Variants in PLCL1 observed in about 807,000 individuals in gnomAD.
PLCL1 encodes inactive phospholipase C-like protein 1.
PLCL1 carries 41 observed loss-of-function variants against 84.4 expected under a neutral mutation model. The ratio of observed to expected loss-of-function variants is 0.49; its 90% confidence interval spans 0.38 to 0.63. PLCL1 has a LOEUF of 0.63. Among genes scored for constraint, PLCL1 ranks in the 30% least tolerant of loss-of-function variants. The pLI, the probability that PLCL1 is intolerant of heterozygous loss-of-function variation, is 0.00. For missense variants in PLCL1, 1,206 were observed against 1,367.8 expected (o/e 0.88, Z 1.87); for synonymous variants, 490 against 488.3 (o/e 1.00, Z -0.05).
intron 1 of PLCL1, among the ~76,000 whole-genome samples, chr2:197,945,094 T>TA (rs1553504563): frequency 6.6e-6 from 1 of 152,244 alleles, no homozygotes. Context: ...TCTAAATGTT[T>TA]AAAATCTAAT....
intron 5 of PLCL1, among the ~76,000 whole-genome samples, chr2:198,132,690 A>T (rs183435100): frequency 3.3e-5 from 5 of 152,168 alleles, no homozygotes; most frequent in Admixed American, 3.3e-4. Context: ...ATACTTACAA[A>T]GTTGATTTAA....
chr2:198,018,853 G>C (rs755061667), intron 1 of PLCL1, among the ~76,000 whole-genome samples: 29 of 152,188 alleles, frequency 1.9e-4, no homozygotes, highest in African/African-American at 6.3e-4. Flanking sequence ...GAGAGCAACG[G>C]ATCTCCCAGC....
At position 198,051,425 on chromosome 2, in the gene PLCL1, G is replaced by A. The variant is rs148206599; in HGVS notation, c.241-32333G>A. ...GATAAACATGAGTCTATGATTTATAGATGTCACTACTTTTTTATAGTATTA... is the reference window on the plus strand; with the variant it reads ...GATAAACATGAGTCTATGATTTATAAATGTCACTACTTTTTTATAGTATTA... On this transcript the variant is annotated intron_variant, in intron 1 of 5. Transcript: ENST00000428675. 3.0e-3 allele frequency among the ~76,000 whole-genome samples: 464 copies of A among 152,154 alleles called. 6 individuals are homozygous for A. The highest frequency in any genetic ancestry group is 7.7e-3 in the East Asian group (40 of 5,182).
intron 1 of PLCL1, among the ~76,000 whole-genome samples, chr2:197,926,411 C>T (rs1170983063): frequency 6.6e-6 from 1 of 152,204 alleles, no homozygotes; most frequent in Non-Finnish European, 1.5e-5. Flanking sequence ...TAGAACCTTT[C>T]CATGTTATCC....
intron 5 of PLCL1, among the ~76,000 whole-genome samples, chr2:198,136,713 A>G (rs1020417270): frequency 6.6e-6 from 1 of 152,146 alleles, no homozygotes; most frequent in African/African-American, 2.4e-5. Flanking sequence ...GAGGCCTCAC[A>G]TTAGTAGCAT....
chr2:197,892,841 A>G (rs2105727760), intron 1 of PLCL1, among the ~76,000 whole-genome samples: 1 of 152,210 alleles, frequency 6.6e-6, no homozygotes, highest in African/African-American at 2.4e-5. Flanking sequence ...AAAAATACAA[A>G]AATTAGCTGG....
rs1000248155 is a variant in PLCL1, at chr2:197,876,148, A to G, written c.240+70809A>G. Among the ~76,000 whole-genome samples, 110 of 152,326 alleles carry G rather than the reference A, an allele frequency of 7.2e-4. 1 individual carries two copies. Among genetic ancestry groups the G allele is most frequent in the African/African-American group, 2.6e-3 (108 of 41,578 alleles). On this transcript the variant is annotated intron_variant, in intron 1 of 5. Coordinates refer to ENST00000428675, the MANE Select transcript of PLCL1 (RefSeq NM_006226.4). ...TTAAGCACATTGAGGGGAGTTACTC[A>G]CTGATTCAACAAACGTTTCTGAGCA...
intron 1 of PLCL1, among the ~76,000 whole-genome samples, chr2:197,856,587 TC>T (rs1196895697): frequency 2.6e-5 from 4 of 152,208 alleles, no homozygotes; most frequent in African/African-American, 9.6e-5. Flanking sequence ...GTTTTGGCTC[TC>T]TAGGGAAGAA....
intron 1 of PLCL1, among the ~76,000 whole-genome samples, chr2:197,939,344 G>A (rs776908045): frequency 4.5e-4 from 69 of 152,170 alleles, no homozygotes; most frequent in African/African-American, 1.5e-3. Flanking sequence ...GGTTGCCTCC[G>A]CAATTACAAA....
Position 197,935,217 on chromosome 2 carries a change from A to T in PLCL1, c.240+129878A>T, listed in dbSNP as rs1689026437. 2.6e-5 allele frequency among the ~76,000 whole-genome samples: 4 copies of T among 152,330 alleles called. 1 individual carries two copies. The South Asian group carries it at 8.3e-4, about 32-fold the overall frequency. On this transcript the variant is annotated intron_variant, in intron 1 of 5. Coordinates refer to ENST00000428675, the MANE Select transcript of PLCL1 (RefSeq NM_006226.4). The stretch of plus-strand genomic sequence containing the variant: ...GTAAATTAGTTCAGCCACTGTGAAA[A>T]GCAGTGTGGCAATTTCTCAAAGAAT...
chr2:197,879,930 CA>C (rs1429251913), intron 1 of PLCL1, among the ~76,000 whole-genome samples: 5 of 152,002 alleles, frequency 3.3e-5, no homozygotes. Flanking sequence ...ATTTAATGTC[CA>C]AAAGAGAAAA....
At chr2:197,915,907 A>T (rs1688590957) in intron 1 of PLCL1, among the ~76,000 whole-genome samples, 2 of 152,182 alleles carry the variant, frequency 1.3e-5, no homozygotes, top group Admixed American at 1.3e-4. Flanking sequence ...TTAGTATAAG[A>T]TTTTTCAGAG....
At chr2:197,806,274 G>T (rs2106412381) in intron 1 of PLCL1, among the ~76,000 whole-genome samples, 1 of 152,272 alleles carries the variant, frequency 6.6e-6, no homozygotes, top group African/African-American at 2.4e-5. Flanking sequence ...ATGTATATAT[G>T]TAAGTATATA....
intron 1 of PLCL1, among the ~76,000 whole-genome samples, chr2:197,921,754 A>G (rs1418256667): frequency 6.6e-6 from 1 of 152,208 alleles, no homozygotes; most frequent in Non-Finnish European, 1.5e-5. Flanking sequence ...GAAACTGCAT[A>G]TCTTTTCTGA....
rs537534762 is a variant in PLCL1, at chr2:198,148,974, C to G, written c.*2012C>G. On this transcript the variant is annotated 3_prime_UTR_variant, in exon 6 of 6. Coordinates refer to ENST00000428675, the MANE Select transcript of PLCL1 (RefSeq NM_006226.4). ...GGACCCACCCAAAAATTCTCAAAAA[C>G]GTAATATGGATTCTGCCTCATCTGA... 1 of 152,266 alleles carries G rather than the reference C, an allele frequency of 6.6e-6. No homozygotes were observed. The allele number at this position is 152,266 out of a possible 1,614,324, so 9.4% of individuals were successfully genotyped here. A position where few individuals can be genotyped will look rare whatever the true frequency, so the allele number is the denominator to read the frequency against.
chr2:198,143,876 A>G (rs980878943), intron 5 of PLCL1, among the ~76,000 whole-genome samples: 2 of 141,982 alleles, frequency 1.4e-5, no homozygotes, highest in Admixed American at 1.5e-4. Flanking sequence ...TGCTTCTTTT[A>G]TTAGTTAATA....
intron 1 of PLCL1, among the ~76,000 whole-genome samples, chr2:197,963,598 C>T (rs1461062348): frequency 6.6e-6 from 1 of 152,054 alleles, no homozygotes; most frequent in Non-Finnish European, 1.5e-5. Flanking sequence ...GATGTGATCC[C>T]ATCTGCCCGT....
chr2:197,922,390 GAA>G (rs1471385419), intron 1 of PLCL1, among the ~76,000 whole-genome samples: 1 of 103,208 alleles, frequency 9.7e-6, no homozygotes, highest in Non-Finnish European at 2.0e-5. Flanking sequence ...AGAACAAAAT[GAA>G]AAGTCTCCCA....
intron 1 of PLCL1, among the ~76,000 whole-genome samples, chr2:198,043,845 C>T (rs555290567): frequency 6.7e-6 from 1 of 148,598 alleles, no homozygotes; most frequent in East Asian, 2.0e-4. Flanking sequence ...TACCTGGACA[C>T]AGCAGCTTGT....
Sources: allele counts gnomAD v4.1 joint callset (sites outside exome capture counted in the v4.1 genomes callset), GRCh38; gene constraint gnomAD v4.1.1; transcripts MANE v1.5; gene names NCBI Gene and HGNC (gene_info 2026-07-23, HGNC 2026-07-21).